Variants in PTPRJ observed in about 807,000 individuals in gnomAD.
The protein encoded by PTPRJ is receptor-type tyrosine-protein phosphatase eta.
A neutral mutation model predicts 141.3 loss-of-function variants in PTPRJ; 129 were observed. The observed-to-expected ratio is 0.91, with a 90% confidence interval of 0.79 to 1.06. PTPRJ has a LOEUF of 1.06. PTPRJ is among the 50% of genes least tolerant of loss of function. PTPRJ has a pLI of 0.00. For missense variants in PTPRJ, 1,601 were observed against 1,679.7 expected (o/e 0.95, Z 0.82); for synonymous variants, 610 against 640.5 (o/e 0.95, Z 0.72).
chr11:48,136,232 C>T lies in PTPRJ; in HGVS notation c.1809C>T (p.Asn603=). 31 of 1,614,222 alleles carry T rather than the reference C, an allele frequency of 1.9e-5. No individual in the cohort carries two copies. The highest frequency in any genetic ancestry group is 2.6e-5 in the Non-Finnish European group (31 of 1,180,038). Residue 603 remains asparagine, a synonymous_variant, in exon 9 of 25, where the codon AAC becomes AAT. Transcript: ENST00000418331. The stretch of plus-strand genomic sequence containing the variant: ...GCCTGATTCCGGGCACCTTATATAA[C>T]ATCACCATCTCTCCAGAAGTGGACC... ...LQGLIPGTLY[N]ITISPEVDHV...
chr11:48,078,550 G>A (rs1006514744), intron 1 of PTPRJ, among the ~76,000 whole-genome samples: 2 of 152,118 alleles, frequency 1.3e-5, no homozygotes, highest in African/African-American at 2.4e-5. Context: ...GGAGTGAGCG[G>A]GATGGATTTA....
chr11:48,071,376 G>A (rs1429056013), intron 1 of PTPRJ, among the ~76,000 whole-genome samples: 1 of 152,014 alleles, frequency 6.6e-6, no homozygotes, highest in East Asian at 1.9e-4. Flanking sequence ...GAGTGCAGTG[G>A]CGCTATCTTG....
intron 1 of PTPRJ, among the ~76,000 whole-genome samples, chr11:48,057,652 C>T (rs1184450036): frequency 3.9e-5 from 6 of 151,930 alleles, no homozygotes; most frequent in Non-Finnish European, 8.8e-5. Context: ...ACTCCTGAGC[C>T]CTGGGGGAGA....
intron 1 of PTPRJ, among the ~76,000 whole-genome samples, chr11:48,083,734 G>A (rs544370502): frequency 6.6e-6 from 1 of 152,344 alleles, no homozygotes; most frequent in East Asian, 1.9e-4. Context: ...GGCATGTAGT[G>A]AGTACCCAGT....
At chr11:48,053,633 G>A (rs894907241) in intron 1 of PTPRJ, among the ~76,000 whole-genome samples, 1 of 146,832 alleles carries the variant, frequency 6.8e-6, no homozygotes, top group African/African-American at 2.5e-5. Flanking sequence ...CTGGAGTGCA[G>A]TGGTGTGATC....
At chr11:48,114,271 C>A (rs1211327657) in intron 3 of PTPRJ, among the ~76,000 whole-genome samples, 2 of 151,708 alleles carry the variant, frequency 1.3e-5, no homozygotes, top group East Asian at 3.9e-4. Context: ...AACCCCGTCT[C>A]TGTTAAAAAT....
intron 12 of PTPRJ, 47 bp from the exon 13 acceptor site, chr11:48,144,628 C>T (rs1217437418): frequency 6.9e-7 from 1 of 1,451,234 alleles, no homozygotes; most frequent in East Asian, 2.3e-5. Context: ...GAAGAAATCT[C>T]TCTGCCATCA....
chr11:48,054,986 A>G (rs1006960292), intron 1 of PTPRJ, among the ~76,000 whole-genome samples: 6 of 151,742 alleles, frequency 4.0e-5, no homozygotes, highest in Non-Finnish European at 8.8e-5. Context: ...GGAGTTCAAG[A>G]CCAGCCTGGG....
intron 1 of PTPRJ, among the ~76,000 whole-genome samples, chr11:48,007,980 C>T (rs1405442673): frequency 6.6e-6 from 1 of 152,170 alleles, no homozygotes; most frequent in Non-Finnish European, 1.5e-5. Flanking sequence ...TCTTTCTGCC[C>T]CCTTCTTCCC....
In PTPRJ at chr11:47,980,747, C is replaced by A; in HGVS notation, c.-166C>A. On this transcript the variant is annotated 5_prime_UTR_variant, in exon 1 of 25. Coordinates refer to ENST00000418331, the MANE Select transcript of PTPRJ (RefSeq NM_002843.4). The stretch of plus-strand genomic sequence containing the variant: ...TGGCCGCGGCCGCCGCCGCCGCTGC[C>A]ATGTCTCCGGGGAAGCCCGGGGCGG... 9.9e-7 allele frequency: 1 copy of A among 1,015,214 alleles called. No individual in the cohort carries two copies. Among genetic ancestry groups the A allele is most frequent in the South Asian group, 4.6e-5 (1 of 21,768 alleles). 62.9% of individuals were successfully genotyped at this position (1,015,214 alleles called of 1,614,324 possible).
intron 3 of PTPRJ, among the ~76,000 whole-genome samples, chr11:48,115,667 G>T (rs1856546951): frequency 6.6e-6 from 1 of 152,136 alleles, no homozygotes; most frequent in Admixed American, 6.5e-5. Context: ...TACTGTAATG[G>T]TCATACATAT....
intron 1 of PTPRJ, among the ~76,000 whole-genome samples, chr11:47,988,075 T>C (rs1429648343): frequency 6.6e-6 from 1 of 152,236 alleles, no homozygotes; most frequent in Non-Finnish European, 1.5e-5. Flanking sequence ...AGTTGGGTGA[T>C]ATTTTTCTGG....
chr11:48,041,548 T>C (rs1854273114), intron 1 of PTPRJ, among the ~76,000 whole-genome samples: 1 of 152,222 alleles, frequency 6.6e-6, no homozygotes, highest in African/African-American at 2.4e-5. Flanking sequence ...TTCTGAGCAT[T>C]ATGAGGCACA....
chr11:48,131,449 C>G, intron 8 of PTPRJ: 1 of 766,928 alleles, frequency 1.3e-6, no homozygotes, highest in Non-Finnish European at 2.4e-6. Flanking sequence ...TGTAATCTGC[C>G]TTTTCCCCAA....
At chr11:48,092,661 C>G (rs942456080) in intron 1 of PTPRJ, among the ~76,000 whole-genome samples, 4 of 152,290 alleles carry the variant, frequency 2.6e-5, no homozygotes, top group Middle Eastern at 3.4e-3. Context: ...AACTCCTGAC[C>G]TCAGGTGATC....
At chr11:48,073,271 GTC>G (rs1855309159) in intron 1 of PTPRJ, among the ~76,000 whole-genome samples, 1 of 152,204 alleles carries the variant, frequency 6.6e-6, no homozygotes, top group Admixed American at 6.5e-5. Context: ...TTTACTGGCA[GTC>G]TCTATTCTAA....
chr11:48,020,516 A>G (rs1348206509), intron 1 of PTPRJ, among the ~76,000 whole-genome samples: 1 of 152,074 alleles, frequency 6.6e-6, no homozygotes, highest in African/African-American at 2.4e-5. Flanking sequence ...ACCCTTGTAC[A>G]TCTGCCTCCA....
intron 15 of PTPRJ, among the ~76,000 whole-genome samples, chr11:48,148,327 G>C (rs1246044532): frequency 6.6e-6 from 1 of 152,204 alleles, no homozygotes; most frequent in Middle Eastern, 3.2e-3. Flanking sequence ...TTAACATTTT[G>C]ATGTGACCAA....
chr11:48,061,806 CACA>C (rs1434867526), intron 1 of PTPRJ, among the ~76,000 whole-genome samples: 1 of 152,156 alleles, frequency 6.6e-6, no homozygotes, highest in South Asian at 2.1e-4. Flanking sequence ...TTTATGTTCA[CACA>C]ACAACTCCAT....
Sources: allele counts gnomAD v4.1 joint callset (sites outside exome capture counted in the v4.1 genomes callset), GRCh38; gene constraint gnomAD v4.1.1; transcripts MANE v1.5; gene names NCBI Gene and HGNC (gene_info 2026-07-23, HGNC 2026-07-21).